CAMTA1: variants seen among roughly 807,000 people sequenced by gnomAD.
The protein encoded by CAMTA1 is calmodulin binding transcription activator 1.
Under a neutral mutation model 170.9 loss-of-function variants are expected in CAMTA1, and 27 were observed. The ratio of observed to expected loss-of-function variants is 0.16; its 90% CI spans 0.12 to 0.22. CAMTA1 has a LOEUF of 0.22. Ranked by LOEUF, CAMTA1 falls within the 10% of genes least tolerant of loss-of-function variation. CAMTA1 has a pLI of 1.00. For missense variants in CAMTA1, 1,619 were observed against 2,217.2 expected (o/e 0.73, Z 5.42); for synonymous variants, 833 against 891.5 (o/e 0.93, Z 1.17).
intron 4 of CAMTA1, among the ~76,000 whole-genome samples, chr1:7,097,437 G>A (rs186921272): frequency 1.4e-3 from 219 of 152,352 alleles, no homozygotes; most frequent in African/African-American, 5.0e-3. Flanking sequence ...CAGCCTATGA[G>A]CTGAGGCCTC....
At chr1:7,481,260 C>T (rs895683162) in intron 6 of CAMTA1, among the ~76,000 whole-genome samples, 7 of 152,184 alleles carry the variant, frequency 4.6e-5, no homozygotes, top group South Asian at 2.1e-4. Context: ...GAAGTCTCCA[C>T]GGCACTTAAT....
rs1246686621 is a variant in CAMTA1, at chr1:7,768,371, C to G, written c.*1880C>G. ...AGAATAAAGTTCGTATTTGCTGATG[C>G]CAGTTTAAAATTCCCAGGTTACGTC... On this transcript the variant is annotated 3_prime_UTR_variant, in exon 23 of 23. Coordinates refer to ENST00000303635, the MANE Select transcript of CAMTA1 (RefSeq NM_015215.4). The G allele has an allele frequency of 6.5e-6, 1 of 152,734 alleles. No individual in the cohort carries two copies. The allele number at this position is 152,734 out of a possible 1,614,324, so 9.5% of individuals were successfully genotyped here.
chr1:7,662,655 C>A (rs1007248802), intron 8 of CAMTA1, among the ~76,000 whole-genome samples: 2 of 152,228 alleles, frequency 1.3e-5, no homozygotes, highest in Non-Finnish European at 2.9e-5. Flanking sequence ...GCTCCTGAGG[C>A]TTGTACGTCT....
chr1:7,557,701 C>T (rs558952931), intron 6 of CAMTA1, among the ~76,000 whole-genome samples: 4 of 152,306 alleles, frequency 2.6e-5, no homozygotes, highest in South Asian at 4.1e-4. Context: ...GGGCACCTAC[C>T]GTGTGCCAGG....
At chr1:7,353,635 G>T (rs553811720) in intron 5 of CAMTA1, among the ~76,000 whole-genome samples, 1 of 152,066 alleles carries the variant, frequency 6.6e-6, no homozygotes, top group African/African-American at 2.4e-5. Context: ...TGTTGGTCAG[G>T]CTGGTCTTGA....
chr1:7,762,273 C>A (rs2096982161), intron 22 of CAMTA1, among the ~76,000 whole-genome samples: 2 of 152,176 alleles, frequency 1.3e-5, no homozygotes, highest in South Asian at 2.1e-4. Flanking sequence ...AATGGTTAAA[C>A]TTCTATTTTG....
chr1:7,630,306 C>T (rs1372131506), intron 6 of CAMTA1, among the ~76,000 whole-genome samples: 2 of 152,132 alleles, frequency 1.3e-5, no homozygotes, highest in Non-Finnish European at 2.9e-5. Context: ...ATCTGCTCAG[C>T]GAGAGTGGAG....
chr1:7,644,548 G>A (rs1004477155), intron 7 of CAMTA1, among the ~76,000 whole-genome samples: 3 of 152,098 alleles, frequency 2.0e-5, no homozygotes, highest in Non-Finnish European at 2.9e-5. Context: ...GGCTCCCTCC[G>A]GGTGGCTGCT....
Position 7,609,153 on chromosome 1 carries a change from G to A in CAMTA1, c.511-31247G>A, listed in dbSNP as rs528365588. 1.3e-5 allele frequency among the ~76,000 whole-genome samples: 2 copies of A among 152,226 alleles called. No individual in the cohort carries two copies. The highest frequency in any genetic ancestry group is 2.9e-5 in the Non-Finnish European group (2 of 68,014). ...TTCCCACTACCGGCCTAGCCCTGCC[G>A]CCTGTGCCTTGCCTCCTGGCCTCCT... On this transcript the variant is annotated intron_variant, in intron 6 of 22. Transcript: ENST00000303635. The surrounding 1 kb of genome is among the most constrained non-coding windows in gnomAD (Gnocchi z 4.4).
At chr1:7,715,954 T>C (rs2096606618) in intron 11 of CAMTA1, among the ~76,000 whole-genome samples, 1 of 152,226 alleles carries the variant, frequency 6.6e-6, no homozygotes, top group Non-Finnish European at 1.5e-5. Flanking sequence ...GAATAAAATA[T>C]TTATGTGGTA....
intron 3 of CAMTA1, among the ~76,000 whole-genome samples, chr1:7,040,155 CTG>C (rs1704207640): frequency 6.8e-6 from 1 of 147,746 alleles, no homozygotes; most frequent in South Asian, 2.2e-4. Context: ...GACACGCTAA[CTG>C]TGATTTTTTT....
At chr1:7,402,533 C>T (rs1448120819) in intron 5 of CAMTA1, among the ~76,000 whole-genome samples, 2 of 152,162 alleles carry the variant, frequency 1.3e-5, no homozygotes, top group African/African-American at 4.8e-5. Context: ...TTTCTGTGGC[C>T]TGTCATAGGG....
Position 7,248,190 on chromosome 1 carries a change from C to T in CAMTA1, c.303-1301C>T, listed in dbSNP as rs1349112762. ...CAATAGAATATGAAGCCATCAACAGCCAATGTTCTGTGCTGCTTGTGAAAT... is the reference window on the plus strand; with the variant it reads ...CAATAGAATATGAAGCCATCAACAGTCAATGTTCTGTGCTGCTTGTGAAAT... On this transcript the variant is annotated intron_variant, in intron 4 of 22. Transcript: ENST00000303635. The surrounding 1 kb of genome is among the most constrained non-coding windows in gnomAD (Gnocchi z 4.0). Among the ~76,000 whole-genome samples the T allele has an allele frequency of 6.6e-6, 1 of 152,118 alleles. No individual in the cohort carries two copies. Among genetic ancestry groups the T allele is most frequent in the African/African-American group, 2.4e-5 (1 of 41,416 alleles).
At chr1:7,687,317 A>C (rs528926215) in intron 11 of CAMTA1, among the ~76,000 whole-genome samples, 100 of 134,840 alleles carry the variant, frequency 7.4e-4, no homozygotes, top group African/African-American at 2.5e-3. Context: ...AAGGTGTTTC[A>C]AAAAAAAGGA....
intron 6 of CAMTA1, among the ~76,000 whole-genome samples, chr1:7,479,073 G>T (rs2093471197): frequency 2.0e-5 from 3 of 152,198 alleles, no homozygotes; most frequent in Admixed American, 1.3e-4. Flanking sequence ...CAGCTTGCTG[G>T]GCCTCCAGCT....
At chr1:7,496,426 G>T (rs557257509) in intron 6 of CAMTA1, among the ~76,000 whole-genome samples, 1 of 152,114 alleles carries the variant, frequency 6.6e-6, no homozygotes, top group Non-Finnish European at 1.5e-5. Flanking sequence ...GGCAAGTCCC[G>T]TGTGCACTGT....
chr1:7,125,073 A>G (rs956077840), intron 4 of CAMTA1, among the ~76,000 whole-genome samples: 9 of 152,122 alleles, frequency 5.9e-5, no homozygotes, highest in Admixed American at 5.2e-4. Flanking sequence ...TAAGAAGTGG[A>G]AAGTCCCCAT....
intron 3 of CAMTA1, among the ~76,000 whole-genome samples, chr1:6,936,685 A>C (rs1685359585): frequency 6.6e-6 from 1 of 152,186 alleles, no homozygotes; most frequent in Admixed American, 6.5e-5. Context: ...ATTGACCAGA[A>C]GTTACTATAA....
chr1:7,666,872 G>GTTGTT (rs199791433), intron 9 of CAMTA1, among the ~76,000 whole-genome samples: 9,569 of 151,670 alleles, frequency 0.063, 644 homozygotes, highest in East Asian at 0.25. Flanking sequence ...CCCTGCTGTT[G>GTTGTT]TTGTTTTGTT....
Sources: allele counts gnomAD v4.1 joint callset (sites outside exome capture counted in the v4.1 genomes callset), GRCh38; gene constraint gnomAD v4.1.1; non-coding constraint Gnocchi (gnomAD v3.1); transcripts MANE v1.5; gene names NCBI Gene and HGNC (gene_info 2026-07-23, HGNC 2026-07-21).